The following RSPO3 variants were observed in gnomAD, a reference collection of about 807,000 sequenced individuals.
RSPO3 encodes the protein R-spondin 3, also known as R-spondin-3.
In RSPO3, 17 loss-of-function variants were observed where a neutral mutation model predicts 36.5. That is an observed-to-expected ratio of 0.47 (90% confidence interval 0.32 to 0.70). The LOEUF (loss-of-function observed/expected upper bound fraction) is 0.70, where lower values mean the gene tolerates loss of function less well. RSPO3 is among the 30% of genes least tolerant of loss of function. RSPO3 has a pLI of 0.04. For synonymous variants in RSPO3, 108 were observed against 107.0 expected (o/e 1.01, Z -0.06); for missense variants, 294 against 322.5 (o/e 0.91, Z 0.68).
At chr6:127,166,605 G>C (rs1774825694) in intron 4 of RSPO3, among the ~76,000 whole-genome samples, 1 of 151,954 alleles carries the variant, frequency 6.6e-6, no homozygotes. Context: ...TTTCAGACTT[G>C]TGCCTGGCAC....
intron 1 of RSPO3, among the ~76,000 whole-genome samples, chr6:127,145,482 A>T (rs558901768): frequency 6.6e-6 from 1 of 152,090 alleles, no homozygotes; most frequent in Non-Finnish European, 1.5e-5. Context: ...CCTATCTCAC[A>T]AAAGTTTCTG....
chr6:127,191,349 G>T (rs1427603468), intron 4 of RSPO3, among the ~76,000 whole-genome samples: 1 of 152,064 alleles, frequency 6.6e-6, no homozygotes, highest in Admixed American at 6.6e-5. Flanking sequence ...AAATAAACTG[G>T]GGGGGAGGGG....
intron 3 of RSPO3, among the ~76,000 whole-genome samples, chr6:127,150,788 T>C (rs1215300721): frequency 6.6e-6 from 1 of 150,654 alleles, no homozygotes; most frequent in African/African-American, 2.4e-5. Context: ...GGTGCTTCCT[T>C]ATTTCTTAGG....
At chr6:127,136,057 G>C (rs1391620631) in intron 1 of RSPO3, among the ~76,000 whole-genome samples, 1 of 152,096 alleles carries the variant, frequency 6.6e-6, no homozygotes, top group Non-Finnish European at 1.5e-5. Context: ...GACCAGAGAA[G>C]TAAGTGACTT....
chr6:127,171,527 TA>T (rs1562250615), intron 4 of RSPO3, among the ~76,000 whole-genome samples: 1 of 151,816 alleles, frequency 6.6e-6, no homozygotes, highest in African/African-American at 2.4e-5. Flanking sequence ...ATTATGACTA[TA>T]GTAAAACTAT....
intron 4 of RSPO3, among the ~76,000 whole-genome samples, chr6:127,176,828 G>A (rs1161141416): frequency 6.6e-6 from 1 of 151,794 alleles, no homozygotes; most frequent in Admixed American, 6.6e-5. Context: ...TGAGGAAAAT[G>A]TTTGGCTGTC....
intron 4 of RSPO3, among the ~76,000 whole-genome samples, chr6:127,166,253 A>G (rs191336162): frequency 9.6e-4 from 146 of 152,106 alleles, no homozygotes; most frequent in Middle Eastern, 3.4e-3. Context: ...GTTACATGCT[A>G]TGAATATCAC....
At chr6:127,177,601 T>C (rs1211267367) in intron 4 of RSPO3, among the ~76,000 whole-genome samples, 2 of 151,874 alleles carry the variant, frequency 1.3e-5, no homozygotes, top group Non-Finnish European at 2.9e-5. Flanking sequence ...GGTATAAGCA[T>C]AGTATGTCCC....
intron 4 of RSPO3, among the ~76,000 whole-genome samples, chr6:127,176,954 A>G (rs1188111607): frequency 6.6e-6 from 1 of 151,768 alleles, no homozygotes; most frequent in African/African-American, 2.4e-5. Context: ...ATTGAGATTC[A>G]AAACCTTGTG....
intron 1 of RSPO3, among the ~76,000 whole-genome samples, chr6:127,146,036 T>C (rs998628453): frequency 2.6e-5 from 4 of 152,140 alleles, no homozygotes; most frequent in Admixed American, 1.3e-4. Context: ...AAGAAAGCTG[T>C]CACTACACTA....
chr6:127,127,583 T>G (rs1355507141), intron 1 of RSPO3, among the ~76,000 whole-genome samples: 1 of 152,040 alleles, frequency 6.6e-6, no homozygotes, highest in East Asian at 1.9e-4. Flanking sequence ...AAAAATTATC[T>G]CATTTGATCT....
In RSPO3 at chr6:127,197,455, C is replaced by T. The variant is rs1041614853; in HGVS notation, c.*1448C>T. 3 of 1,550,574 alleles carry T rather than the reference C, an allele frequency of 1.9e-6. No homozygotes were observed. Among genetic ancestry groups the T allele is most frequent in the East Asian group, 4.9e-5 (2 of 40,910 alleles). ...TTGAAGTCACCCTAGCTGAAGGCCT[C>T]ACCAGTGTTTCACAGAGGACACAGC... On this transcript the variant is annotated 3_prime_UTR_variant, in exon 5 of 5. Coordinates refer to ENST00000356698, the MANE Select transcript of RSPO3 (RefSeq NM_032784.5).
intron 4 of RSPO3, among the ~76,000 whole-genome samples, chr6:127,191,739 A>G (rs1275907441): frequency 6.6e-6 from 1 of 152,228 alleles, no homozygotes; most frequent in Non-Finnish European, 1.5e-5. Context: ...AATAAGGTCA[A>G]CATGTAAGAA....
intron 2 of RSPO3, among the ~76,000 whole-genome samples, chr6:127,149,537 T>G (rs957700309): frequency 6.6e-6 from 1 of 152,072 alleles, no homozygotes; most frequent in Non-Finnish European, 1.5e-5. Flanking sequence ...TCTTATATCA[T>G]TGATGATTTT....
intron 4 of RSPO3, among the ~76,000 whole-genome samples, chr6:127,177,240 G>A (rs1003457098): frequency 1.3e-5 from 2 of 151,882 alleles, no homozygotes; most frequent in East Asian, 1.9e-4. Context: ...ATAAGCCAGT[G>A]AGACTAAAAT....
chr6:127,144,378 C>G (rs1400349976), intron 1 of RSPO3, among the ~76,000 whole-genome samples: 2 of 152,066 alleles, frequency 1.3e-5, no homozygotes, highest in Non-Finnish European at 2.9e-5. Flanking sequence ...CTGATCTAAA[C>G]TCACTATTTT....
chr6:127,156,702 A>G (rs1029932351), intron 4 of RSPO3, among the ~76,000 whole-genome samples: 2 of 152,164 alleles, frequency 1.3e-5, no homozygotes, highest in African/African-American at 4.8e-5. Context: ...TGAATGGGGT[A>G]CTGTCTCTCT....
chr6:127,125,772 A>C (rs549833746), intron 1 of RSPO3, among the ~76,000 whole-genome samples: 1 of 152,242 alleles, frequency 6.6e-6, no homozygotes, highest in South Asian at 2.1e-4. Context: ...TCACAGCAAC[A>C]ATCAGCATAC....
intron 1 of RSPO3, among the ~76,000 whole-genome samples, chr6:127,126,184 G>T (rs1223411608): frequency 1.3e-5 from 2 of 152,062 alleles, no homozygotes; most frequent in African/African-American, 4.8e-5. Context: ...TTTCTCTTTT[G>T]AGGAGCCAGT....
Sources: gnomAD v4.1 joint callset for allele counts (sites outside exome capture counted in the v4.1 genomes callset) on GRCh38, gnomAD v4.1.1 for gene constraint, MANE v1.5 for transcripts, NCBI Gene and HGNC (gene_info 2026-07-23, HGNC 2026-07-21) for gene names.